IL1RAP: variants seen among roughly 807,000 people sequenced by gnomAD.
IL1RAP encodes interleukin-1 receptor accessory protein.
In IL1RAP, 35 loss-of-function variants were observed where a neutral mutation model predicts 60.7. That is an observed-to-expected ratio of 0.58 (90% CI 0.44 to 0.76). The LOEUF is 0.76. Ranked by LOEUF, IL1RAP falls within the 30% of genes least tolerant of loss-of-function variation. IL1RAP has a pLI of 0.00. For synonymous variants in IL1RAP, 268 were observed against 250.9 expected (o/e 1.07, Z -0.64); for missense variants, 572 against 693.9 (o/e 0.82, Z 1.97).
chr3:190,570,586 G>A (rs928296679), intron 3 of IL1RAP, among the ~76,000 whole-genome samples: 3 of 151,626 alleles, frequency 2.0e-5, no homozygotes, highest in African/African-American at 7.3e-5. Flanking sequence ...TATTTTTTGA[G>A]ACGGAGCTTC....
intron 10 of IL1RAP, 49 bp from the exon 11 acceptor site, chr3:190,645,650 T>C (rs767902638): frequency 2.1e-6 from 3 of 1,433,746 alleles, no homozygotes; most frequent in Middle Eastern, 1.8e-4. Context: ...AATGTAATGG[T>C]ATTGAGAAAC....
At chr3:190,596,435 T>C (rs1268530785) in intron 3 of IL1RAP, among the ~76,000 whole-genome samples, 1 of 152,190 alleles carries the variant, frequency 6.6e-6, no homozygotes, top group African/African-American at 2.4e-5. Flanking sequence ...AATGTGGGAA[T>C]GGGCATGAAA....
chr3:190,653,091 A>G (rs1734475158), downstream of IL1RAP, among the ~76,000 whole-genome samples: 1 of 152,210 alleles, frequency 6.6e-6, no homozygotes. Context: ...TTTTAGTAGT[A>G]ATTTTAATCT....
Position 190,650,551 on chromosome 3 carries a change from G to A in IL1RAP, c.*1846G>A, listed in dbSNP as rs148055018. The A allele has an allele frequency of 2.3e-4, 225 of 960,736 alleles. No individual in the cohort carries two copies. The highest frequency in any genetic ancestry group is 2.2e-3 in the African/African-American group (126 of 56,802). The allele number at this position is 960,736 out of a possible 1,614,324, so 59.5% of individuals were successfully genotyped here. ...CGTAATTTAAGAAAGCCCTTATCCC[G>A]GTAACATGAATGTTGATGAACAAAT... On this transcript the variant is annotated 3_prime_UTR_variant, in exon 12 of 12. Coordinates refer to ENST00000447382, the MANE Select transcript of IL1RAP (RefSeq NM_002182.4).
intron 3 of IL1RAP, among the ~76,000 whole-genome samples, chr3:190,570,863 T>C (rs77907113): frequency 0.015 from 2,225 of 152,302 alleles, 67 homozygotes; most frequent in African/African-American, 0.051. Flanking sequence ...ATATTTTTTT[T>C]AAAGTGCTCT....
In IL1RAP at chr3:190,648,622, G is replaced by A. The variant is rs760714143; in HGVS notation, c.1630G>A (p.Val544Met). The A allele has an allele frequency of 8.1e-6, 13 of 1,614,088 alleles. No individual in the cohort carries two copies. In the East Asian group the frequency reaches 2.7e-4, roughly 33 times the overall value. ...GGGCAGGTTCTGGAAGCAGCTGCAG[G>A]TGGCCATGCCAGTGAAGAAAAGTCC... ...PQGRFWKQLQ[V>M]AMPVKKSPRR... Residue 544 changes from valine to methionine, a missense_variant, in exon 12 of 12, where the codon GTG (valine) becomes ATG (methionine). Physicochemically the swap from Val to Met is conservative, Grantham distance 21. Transcript: ENST00000447382.
intron 3 of IL1RAP, among the ~76,000 whole-genome samples, chr3:190,596,048 A>G (rs947740475): frequency 6.6e-6 from 1 of 152,234 alleles, no homozygotes; most frequent in Admixed American, 6.5e-5. Flanking sequence ...TAAGAGAAGC[A>G]TTTTGTCCAA....
chr3:190,654,085 T>C (rs1310203819), downstream of IL1RAP, among the ~76,000 whole-genome samples: 6 of 152,144 alleles, frequency 3.9e-5, no homozygotes, highest in African/African-American at 1.4e-4. Context: ...AAAGTCATTT[T>C]TTAAGAAGAT....
At chr3:190,537,383 A>G (rs1262032262) in intron 1 of IL1RAP, among the ~76,000 whole-genome samples, 2 of 152,070 alleles carry the variant, frequency 1.3e-5, no homozygotes, top group South Asian at 2.1e-4. Context: ...ACGAAAACCT[A>G]TGCACTCTTA....
intron 3 of IL1RAP, among the ~76,000 whole-genome samples, chr3:190,577,815 G>T (rs1727631113): frequency 6.6e-6 from 1 of 152,088 alleles, no homozygotes; most frequent in South Asian, 2.1e-4. Context: ...AAAGTACTGG[G>T]ATTACAGGTG....
chr3:190,533,097 G>A (rs901641091), intron 1 of IL1RAP, among the ~76,000 whole-genome samples: 6 of 152,256 alleles, frequency 3.9e-5, no homozygotes, highest in Admixed American at 2.0e-4. Flanking sequence ...TGAAATACTG[G>A]AACTGCTGTA....
At chr3:190,640,010 C>G in intron 9 of IL1RAP, among the ~76,000 whole-genome samples, 1 of 152,152 alleles carries the variant, frequency 6.6e-6, no homozygotes, top group Non-Finnish European at 1.5e-5. Context: ...AAGTATTCCC[C>G]CAAATATGTG....
intron 3 of IL1RAP, among the ~76,000 whole-genome samples, chr3:190,603,860 C>G (rs1730063798): frequency 6.6e-6 from 1 of 152,194 alleles, no homozygotes; most frequent in African/African-American, 2.4e-5. Flanking sequence ...GTGAAACTTT[C>G]TCCCATACCT....
chr3:190,599,861 A>G (rs9823258), intron 3 of IL1RAP, among the ~76,000 whole-genome samples: 12,069 of 151,388 alleles, frequency 0.08, 536 homozygotes, highest in African/African-American at 0.1. Context: ...AAAAAAATCT[A>G]TTAAAGTTTT....
chr3:190,657,398 C>T (rs1734650320), exon 12 of IL1RAP: 1 of 152,094 alleles, frequency 6.6e-6, no homozygotes, highest in Non-Finnish European at 1.5e-5. Flanking sequence ...GAGAATGTGA[C>T]TTAAATGAAA....
At chr3:190,555,344 T>G (rs1391404701) in intron 1 of IL1RAP, among the ~76,000 whole-genome samples, 1 of 152,190 alleles carries the variant, frequency 6.6e-6, no homozygotes, top group Non-Finnish European at 1.5e-5. Flanking sequence ...TCTCAGGTGC[T>G]TTGAAATGCC....
chr3:190,578,973 A>G (rs1317741606), intron 3 of IL1RAP, among the ~76,000 whole-genome samples: 1 of 152,150 alleles, frequency 6.6e-6, no homozygotes, highest in Admixed American at 6.5e-5. Context: ...ACAATTCAAG[A>G]TGATATTTGG....
rs1008430095 is a variant in IL1RAP at position 190,650,195 on chromosome 3, C to A, written c.*1490C>A. On this transcript the variant is annotated 3_prime_UTR_variant, in exon 12 of 12. Transcript: ENST00000447382. ...TGTTTTTACTGGAATGTTTTTGTGTCAGTGTTTTCTGTACATATTATTTGT... is the reference window on the plus strand; with the variant it reads ...TGTTTTTACTGGAATGTTTTTGTGTAAGTGTTTTCTGTACATATTATTTGT... 2 of 983,912 alleles carry A rather than the reference C, an allele frequency of 2.0e-6. No homozygotes were observed. Among genetic ancestry groups the A allele is most frequent in the African/African-American group, 1.7e-5 (1 of 57,148 alleles). 60.9% of individuals were successfully genotyped at this position (983,912 alleles called of 1,614,324 possible). A position where few individuals can be genotyped will look rare whatever the true frequency, so the allele number is the denominator to read the frequency against.
chr3:190,551,500 C>T (rs1724861979), intron 1 of IL1RAP, among the ~76,000 whole-genome samples: 1 of 152,150 alleles, frequency 6.6e-6, no homozygotes. Flanking sequence ...GTAAATAGTT[C>T]AAAATAAGTT....
Sources: gnomAD v4.1 joint callset for allele counts (sites outside exome capture counted in the v4.1 genomes callset) on GRCh38, gnomAD v4.1.1 for gene constraint, MANE v1.5 for transcripts, NCBI Gene and HGNC (gene_info 2026-07-23, HGNC 2026-07-21) for gene names.